Variants in RGS3 observed in about 807,000 individuals in gnomAD.
The protein encoded by RGS3 is regulator of G-protein signalling 3.
A neutral mutation model predicts 132.6 loss-of-function variants in RGS3; 80 were observed. The observed-to-expected ratio is 0.60, with a 90% CI of 0.50 to 0.73. The LOEUF (loss-of-function observed/expected upper bound fraction) is 0.73, where lower values mean the gene tolerates loss of function less well. Among genes scored for constraint, RGS3 ranks in the 30% least tolerant of loss-of-function variants. The pLI, the probability that RGS3 is intolerant of heterozygous loss-of-function variation, is 0.00. For missense variants in RGS3, 1,382 were observed against 1,530.8 expected (o/e 0.90, Z 1.62); for synonymous variants, 598 against 620.6 (o/e 0.96, Z 0.54).
intron 14 of RGS3, among the ~76,000 whole-genome samples, chr9:113,511,347 T>G (rs1290079107): frequency 2.6e-5 from 4 of 151,294 alleles, no homozygotes; most frequent in Admixed American, 2.6e-4. Flanking sequence ...AGGTGGGAAG[T>G]AAATGAGTTT....
chr9:113,539,910 C>A (rs574366432), intron 19 of RGS3, among the ~76,000 whole-genome samples: 2 of 152,322 alleles, frequency 1.3e-5, no homozygotes, highest in Non-Finnish European at 2.9e-5. Flanking sequence ...TGCTGTGGGA[C>A]CTTCAGCAGC....
At chr9:113,461,747 G>A (rs1226588734) in exon 2 of RGS3, 2 of 1,614,108 alleles carry the variant, frequency 1.2e-6, no homozygotes, top group South Asian at 2.2e-5. Flanking sequence ...TTTTCTTTCT[G>A]GATCTCACCG....
intron 15 of RGS3, 137 bp from the exon 14 acceptor site, chr9:113,517,404 C>T (rs1167194577): frequency 1.2e-5 from 9 of 729,066 alleles, no homozygotes; most frequent in East Asian, 2.6e-5. Flanking sequence ...TGTGGGTTCT[C>T]GGGTCGGTGG....
chr9:113,493,890 A>G (rs1830601928), intron 7 of RGS3, among the ~76,000 whole-genome samples: 1 of 152,136 alleles, frequency 6.6e-6, no homozygotes, highest in Non-Finnish European at 1.5e-5. Flanking sequence ...GGTTTTGGAA[A>G]ACACATCTCT....
chr9:113,474,502 G>A (rs1297087144), intron 3 of RGS3, among the ~76,000 whole-genome samples: 1 of 152,204 alleles, frequency 6.6e-6, no homozygotes, highest in Non-Finnish European at 1.5e-5. Context: ...ATCAGGGCTG[G>A]GGTGTGGATG....
At chr9:113,573,884 C>G (rs9785310) in intron 19 of RGS3, among the ~76,000 whole-genome samples, 8 of 152,154 alleles carry the variant, frequency 5.3e-5, no homozygotes, top group Non-Finnish European at 1.2e-4. Flanking sequence ...GAAGTGAAGA[C>G]GGCAGGAAAG....
chr9:113,568,990 G>T (rs963372143), intron 19 of RGS3, among the ~76,000 whole-genome samples: 5 of 152,222 alleles, frequency 3.3e-5, no homozygotes, highest in Non-Finnish European at 5.9e-5. Flanking sequence ...TCTTCCTTCT[G>T]GCAGTGGGCC....
rs180794583 is a variant in RGS3 at position 113,549,834 on chromosome 9, T to A, written c.2037+12916T>A. Among the ~76,000 whole-genome samples the A allele has an allele frequency of 7.9e-4, 120 of 152,340 alleles. 1 individual carries two copies. The highest frequency in any genetic ancestry group is 2.6e-3 in the African/African-American group (107 of 41,582). On this transcript the variant is annotated intron_variant, in intron 19 of 24. Coordinates refer to ENST00000350696, the Ensembl canonical transcript of RGS3. Reference sequence around the variant, plus strand: ...GTGCTTTATTTAAGTAATCTTCAGTTGTTTATCATTCAGGTTGCTTGCAAT... The same window carrying A: ...GTGCTTTATTTAAGTAATCTTCAGTAGTTTATCATTCAGGTTGCTTGCAAT...
chr9:113,482,046 CAAA>C (rs1234435107), intron 4 of RGS3, among the ~76,000 whole-genome samples: 2 of 95,040 alleles, frequency 2.1e-5, no homozygotes, highest in East Asian at 6.7e-4. Context: ...AACTCCATCT[CAAA>C]AAAAAAAAAA....
intron 10 of RGS3, among the ~76,000 whole-genome samples, chr9:113,502,483 G>T (rs1252662732): frequency 6.6e-6 from 1 of 152,240 alleles, no homozygotes; most frequent in Non-Finnish European, 1.5e-5. Flanking sequence ...CCTGCTAGGG[G>T]ATCCAGTGTT....
intron 1 of RGS3, among the ~76,000 whole-genome samples, chr9:113,454,608 AAAAAC>A (rs560087358): frequency 4.3e-4 from 66 of 152,266 alleles, no homozygotes; most frequent in South Asian, 3.5e-3. Flanking sequence ...ACAGTATCAA[AAAAAC>A]AAAACAAAAC....
intron 19 of RGS3, chr9:113,541,692 A>T (rs780387801): frequency 3.7e-6 from 4 of 1,081,630 alleles, no homozygotes; most frequent in Non-Finnish European, 4.5e-6. Flanking sequence ...TCCAAGGAGG[A>T]GGAGGAGGAG....
At chr9:113,502,924 G>A (rs921902323) in intron 10 of RGS3, among the ~76,000 whole-genome samples, 2 of 152,230 alleles carry the variant, frequency 1.3e-5, no homozygotes, top group Non-Finnish European at 2.9e-5. Context: ...ATGAAATCCA[G>A]CGATGGTGCC....
At chr9:113,517,519 A>T (rs767478565) in intron 15 of RGS3, 22 bp from the exon 14 acceptor site, 14 of 1,607,630 alleles carry the variant, frequency 8.7e-6, no homozygotes, top group Non-Finnish European at 1.2e-5. Context: ...TGAACTGCCC[A>T]CTCAGCCTGC....
intron 7 of RGS3, 84 bp from the exon 6 acceptor site, chr9:113,495,702 G>GCA: frequency 9.0e-7 from 1 of 1,114,694 alleles, no homozygotes; most frequent in Non-Finnish European, 1.4e-6. Flanking sequence ...AGTGCATCAG[G>GCA]CAAACCCATG....
intron 19 of RGS3, among the ~76,000 whole-genome samples, chr9:113,538,563 GT>G (rs1832777623): frequency 6.6e-6 from 1 of 152,158 alleles, no homozygotes; most frequent in African/African-American, 2.4e-5. Flanking sequence ...CCATCTTCAG[GT>G]TTGGGAGGCC....
At chr9:113,502,600 G>A (rs757010258) in intron 10 of RGS3, among the ~76,000 whole-genome samples, 1 of 152,206 alleles carries the variant, frequency 6.6e-6, no homozygotes, top group Non-Finnish European at 1.5e-5. Flanking sequence ...CTAGCGTCTG[G>A]ATGGCAGAGT....
chr9:113,592,644 C>T (rs1191077409), intron 21 of RGS3: 1 of 152,148 alleles, frequency 6.6e-6, no homozygotes, highest in African/African-American at 2.4e-5. Flanking sequence ...CCATCACACC[C>T]AGCAAATTTT....
intron 16 of RGS3, among the ~76,000 whole-genome samples, chr9:113,518,917 G>T (rs1009449716): frequency 2.0e-5 from 3 of 152,118 alleles, no homozygotes; most frequent in Non-Finnish European, 4.4e-5. Flanking sequence ...AAATTGAGGT[G>T]TGGCCATAAA....
Sources: gnomAD v4.1 joint callset for allele counts (sites outside exome capture counted in the v4.1 genomes callset) on GRCh38, gnomAD v4.1.1 for gene constraint, MANE v1.5 for transcripts, NCBI Gene and HGNC (gene_info 2026-07-23, HGNC 2026-07-21) for gene names.